The following LRRC4C variants were observed in gnomAD, a reference collection of about 807,000 sequenced individuals.
LRRC4C encodes the protein leucine-rich repeat-containing protein 4C.
Under a neutral mutation model 33.6 loss-of-function variants are expected in LRRC4C, and 5 were observed. That is an observed-to-expected ratio of 0.15 (90% CI 0.08 to 0.31). The LOEUF (loss-of-function observed/expected upper bound fraction) is 0.31. Ranked by LOEUF, LRRC4C falls within the 10% of genes least tolerant of loss-of-function variation. The probability of loss-of-function intolerance (pLI) is 1.00; values close to 1 mark genes in which losing one functional copy is unlikely to be tolerated. For missense variants in LRRC4C, 560 were observed against 796.7 expected (o/e 0.70, Z 3.58); for synonymous variants, 329 against 302.0 (o/e 1.09, Z -0.93).
At chr11:40,218,490 A>G (rs1020854528) in intron 5 of LRRC4C, among the ~76,000 whole-genome samples, 1 of 152,158 alleles carries the variant, frequency 6.6e-6, no homozygotes, top group Non-Finnish European at 1.5e-5. Flanking sequence ...TCTGTAAAAT[A>G]TTCTAACCAG....
chr11:40,779,890 C>A (rs748289782), intron 2 of LRRC4C, among the ~76,000 whole-genome samples: 3 of 152,042 alleles, frequency 2.0e-5, no homozygotes, highest in Admixed American at 6.6e-5. Context: ...AAGTGATAAT[C>A]CTTTAGAATA....
At position 40,575,865 on chromosome 11, in the gene LRRC4C, T is replaced by C. The variant is rs530129888; in HGVS notation, c.-270+72277A>G. The stretch of plus-strand genomic sequence containing the variant: ...AAAAACTCCTTCACACAGGAATGGG[T>C]TGTGTAATGTGTATGGACAGATTGC... On this transcript the variant is annotated intron_variant, in intron 3 of 6. Coordinates refer to ENST00000528697, the MANE Select transcript of LRRC4C (RefSeq NM_001258419.2). Among the ~76,000 whole-genome samples, 6 of 152,210 alleles carry C rather than the reference T, an allele frequency of 3.9e-5. No individual in the cohort carries two copies. The East Asian group carries it at 1.2e-3, about 29-fold the overall frequency.
intron 2 of LRRC4C, among the ~76,000 whole-genome samples, chr11:40,883,404 A>G (rs1008093523): frequency 2.6e-5 from 4 of 152,118 alleles, no homozygotes; most frequent in African/African-American, 4.8e-5. Flanking sequence ...AAAAGGGGAT[A>G]TAAACTGAAC....
intron 2 of LRRC4C, among the ~76,000 whole-genome samples, chr11:40,649,059 C>G (rs1565597543): frequency 6.6e-6 from 1 of 152,234 alleles, no homozygotes; most frequent in South Asian, 2.1e-4. Flanking sequence ...TCTGAGGAAA[C>G]AGGACAAAAG....
intron 2 of LRRC4C, among the ~76,000 whole-genome samples, chr11:40,879,870 C>T (rs1955083443): frequency 6.6e-6 from 1 of 152,160 alleles, no homozygotes; most frequent in African/African-American, 2.4e-5. Context: ...AAGACAGCCA[C>T]CTGAATATTT....
chr11:40,325,926 G>A (rs936840588), intron 3 of LRRC4C, among the ~76,000 whole-genome samples: 4 of 151,974 alleles, frequency 2.6e-5, no homozygotes, highest in African/African-American at 9.7e-5. Context: ...TGAGGCCAGA[G>A]GCATGTATCT....
chr11:41,344,377 C>T (rs939594921), intron 1 of LRRC4C, among the ~76,000 whole-genome samples: 3 of 151,978 alleles, frequency 2.0e-5, no homozygotes, highest in Admixed American at 1.3e-4. Flanking sequence ...CCCGCCACCA[C>T]GCCTGGCTAA....
intron 1 of LRRC4C, among the ~76,000 whole-genome samples, chr11:41,285,618 C>A (rs1949801622): frequency 6.6e-6 from 1 of 151,986 alleles, no homozygotes; most frequent in South Asian, 2.1e-4. Context: ...GAGAGATGTC[C>A]CACATGGAAG....
At chr11:40,593,157 G>A (rs1959135503) in intron 3 of LRRC4C, among the ~76,000 whole-genome samples, 1 of 152,150 alleles carries the variant, frequency 6.6e-6, no homozygotes, top group South Asian at 2.1e-4. Flanking sequence ...AGAGAGAGAT[G>A]CTATGTAAAT....
At chr11:40,841,346 A>G (rs1350039253) in intron 2 of LRRC4C, among the ~76,000 whole-genome samples, 1 of 152,146 alleles carries the variant, frequency 6.6e-6, no homozygotes. Flanking sequence ...TATGGACTGA[A>G]TACGCATACC....
chr11:40,271,422 T>C (rs749610740), intron 4 of LRRC4C, among the ~76,000 whole-genome samples: 1 of 152,190 alleles, frequency 6.6e-6, no homozygotes, highest in Non-Finnish European at 1.5e-5. Context: ...GTAAAGTTCT[T>C]CCCTTCTAAC....
At chr11:40,698,905 A>G (rs1591495738) in intron 2 of LRRC4C, among the ~76,000 whole-genome samples, 1 of 152,046 alleles carries the variant, frequency 6.6e-6, no homozygotes, top group East Asian at 1.9e-4. Flanking sequence ...CGCCCCTATG[A>G]CTCAATTTTC....
chr11:40,576,351 T>G (rs1958191967), intron 3 of LRRC4C, among the ~76,000 whole-genome samples: 1 of 152,218 alleles, frequency 6.6e-6, no homozygotes, highest in Non-Finnish European at 1.5e-5. Flanking sequence ...ACTGTCTTAT[T>G]CTTATGACGG....
intron 3 of LRRC4C, among the ~76,000 whole-genome samples, chr11:40,500,517 C>G (rs188346254): frequency 6.1e-4 from 92 of 151,958 alleles, no homozygotes; most frequent in African/African-American, 2.1e-3. Flanking sequence ...GGAGGCCTCA[C>G]AATCATGGTG....
At chr11:41,206,912 C>G (rs1452868683) in intron 1 of LRRC4C, among the ~76,000 whole-genome samples, 3 of 152,192 alleles carry the variant, frequency 2.0e-5, no homozygotes, top group Admixed American at 2.0e-4. Flanking sequence ...CTGTCTGACT[C>G]TAGAGCTTTT....
chr11:41,275,648 A>C (rs1470648671), intron 1 of LRRC4C, among the ~76,000 whole-genome samples: 2 of 152,188 alleles, frequency 1.3e-5, no homozygotes, highest in African/African-American at 2.4e-5. Context: ...AATTTATCCC[A>C]AGGGGAGACA....
intron 2 of LRRC4C, among the ~76,000 whole-genome samples, chr11:40,708,857 C>T (rs1320711652): frequency 1.3e-5 from 2 of 152,070 alleles, no homozygotes; most frequent in Non-Finnish European, 2.9e-5. Context: ...CTCCTTGTAG[C>T]TCTCTCAGGA....
chr11:40,563,923 T>A (rs1198528189), intron 3 of LRRC4C, among the ~76,000 whole-genome samples: 1 of 152,194 alleles, frequency 6.6e-6, no homozygotes. Flanking sequence ...CTGCTGCTGC[T>A]TCATCCCCCA....
chr11:41,113,636 C>A (rs576197577), intron 1 of LRRC4C, among the ~76,000 whole-genome samples: 88 of 152,206 alleles, frequency 5.8e-4, no homozygotes, highest in African/African-American at 2.0e-3. Flanking sequence ...CTGTACGCTT[C>A]TTCTCTACCA....
Sources: gnomAD v4.1 joint callset for allele counts (sites outside exome capture counted in the v4.1 genomes callset) on GRCh38, gnomAD v4.1.1 for gene constraint, MANE v1.5 for transcripts, NCBI Gene and HGNC (gene_info 2026-07-23, HGNC 2026-07-21) for gene names.